Variants in LRRC40 observed in about 807,000 individuals in gnomAD.
LRRC40 encodes leucine rich repeat containing 40.
LRRC40 carries 76 observed loss-of-function variants against 72.8 expected under a neutral mutation model. The observed-to-expected ratio is 1.04, with a 90% CI of 0.87 to 1.26. The LOEUF (loss-of-function observed/expected upper bound fraction) is 1.26. Ranked by LOEUF, LRRC40 falls within the 50% of genes most tolerant of loss-of-function variation. The probability of loss-of-function intolerance (pLI) is 0.00; values close to 1 mark genes in which losing one functional copy is unlikely to be tolerated. For synonymous variants in LRRC40, 243 were observed against 254.2 expected (o/e 0.96, Z 0.42); for missense variants, 684 against 698.9 (o/e 0.98, Z 0.24).
chr1:70,165,928 A>C (rs561692380), intron 9 of LRRC40, among the ~76,000 whole-genome samples: 158 of 152,354 alleles, frequency 1.0e-3, no homozygotes, highest in African/African-American at 3.8e-3. Flanking sequence ...TCACAGAGAA[A>C]ATACTTATTA....
intron 6 of LRRC40, among the ~76,000 whole-genome samples, chr1:70,176,403 G>A (rs775531849): frequency 2.0e-5 from 3 of 151,676 alleles, no homozygotes; most frequent in South Asian, 2.1e-4. Context: ...GTGGTGGAGC[G>A]TGCCTGTAGT....
At chr1:70,149,966 G>A (rs539752297) in intron 13 of LRRC40, among the ~76,000 whole-genome samples, 2 of 152,076 alleles carry the variant, frequency 1.3e-5, no homozygotes, top group Admixed American at 6.5e-5. Flanking sequence ...TGTCGCCTAG[G>A]CTGGAGTGCA....
chr1:70,203,224 A>G (rs1371583057), intron 1 of LRRC40, among the ~76,000 whole-genome samples: 6 of 152,152 alleles, frequency 3.9e-5, no homozygotes, highest in Non-Finnish European at 1.5e-5. Flanking sequence ...GAGGCCTCAA[A>G]GTAAATAGTT....
At chr1:70,200,051 C>T (rs1028043773) in intron 1 of LRRC40, among the ~76,000 whole-genome samples, 2 of 152,072 alleles carry the variant, frequency 1.3e-5, no homozygotes, top group Non-Finnish European at 2.9e-5. Flanking sequence ...TGTACGGCTT[C>T]CACTAAGAAA....
At chr1:70,155,006 G>A (rs1244994468) in intron 11 of LRRC40, among the ~76,000 whole-genome samples, 1 of 152,064 alleles carries the variant, frequency 6.6e-6, no homozygotes, top group Non-Finnish European at 1.5e-5. Context: ...ACATTGGGTT[G>A]TTTTAATTGC....
At chr1:70,200,530 G>GA (rs1301416984) in intron 1 of LRRC40, among the ~76,000 whole-genome samples, 2 of 151,978 alleles carry the variant, frequency 1.3e-5, no homozygotes, top group African/African-American at 4.8e-5. Flanking sequence ...AAGAGAGAGA[G>GA]AAAGAATTAA....
In LRRC40 at chr1:70,190,677, T is replaced by TAAAAAAAAAAAAA. The variant is rs59341874; in HGVS notation, c.152-1417_152-1405dup. Among the ~76,000 whole-genome samples the TAAAAAAAAAAAAA allele has an allele frequency of 9.8e-4, 53 of 54,352 alleles. 1 individual carries two copies. Among genetic ancestry groups the TAAAAAAAAAAAAA allele is most frequent in the Non-Finnish European group, 1.3e-3 (44 of 33,326 alleles). 35.7% of individuals were successfully genotyped at this position (54,352 alleles called of 152,430 possible). ...GGGAAACAGAGTGAGACCCTGTCTC[T>TAAAAAAAAAAAAA]AAAAAAAAAAAAAAAAAAACTTAAA... On this transcript the variant is annotated intron_variant, in intron 1 of 14. Transcript: ENST00000370952.
intron 2 of LRRC40, among the ~76,000 whole-genome samples, chr1:70,188,298 A>G (rs557178300): frequency 6.6e-6 from 1 of 152,334 alleles, no homozygotes; most frequent in Non-Finnish European, 1.5e-5. Context: ...ACTTTACCAC[A>G]GGACATGGCA....
At chr1:70,195,632 A>G (rs914965767) in intron 1 of LRRC40, among the ~76,000 whole-genome samples, 1 of 152,112 alleles carries the variant, frequency 6.6e-6, no homozygotes, top group African/African-American at 2.4e-5. Flanking sequence ...ATGTTAAATA[A>G]ATACTTTTTG....
Position 70,155,795 on chromosome 1 carries a change from C to A in LRRC40, c.1222G>T (p.Asp408Tyr), listed in dbSNP as rs1332951926. Residue 408 changes from aspartate to tyrosine, a missense_variant and splice_region_variant, in exon 11 of 15, where the codon GAT becomes TAT. By Grantham distance (160) the Asp-to-Tyr change is radical. Coordinates refer to ENST00000370952, the MANE Select transcript of LRRC40 (RefSeq NM_017768.5). ...TCAGGAATCAAAGTTGCTTGTTTAT[C>A]ACTAAATGAAAAATGGTTTTAAAAA... ...IITLKILDYS[D>Y]KQATLIPDEV... 2 of 1,519,564 alleles carry A rather than the reference C, an allele frequency of 1.3e-6. No homozygotes were observed. Among genetic ancestry groups the A allele is most frequent in the African/African-American group, 1.4e-5 (1 of 72,852 alleles). The allele number at this position is 1,519,564 out of a possible 1,614,324, so 94.1% of individuals were successfully genotyped here. A position where few individuals can be genotyped will look rare whatever the true frequency, so the allele number is the denominator to read the frequency against.
chr1:70,190,274 G>C (rs1668464418), intron 1 of LRRC40, among the ~76,000 whole-genome samples: 1 of 152,146 alleles, frequency 6.6e-6, no homozygotes, highest in African/African-American at 2.4e-5. Context: ...AAAAGGTATA[G>C]TCAAAGTTTC....
At chr1:70,181,827 T>C (rs180939751) in intron 4 of LRRC40, among the ~76,000 whole-genome samples, 77 of 152,208 alleles carry the variant, frequency 5.1e-4, no homozygotes, top group African/African-American at 1.7e-3. Context: ...TTTCTTTAAA[T>C]GATTATGTTT....
chr1:70,198,505 G>A (rs1176155724), intron 1 of LRRC40, among the ~76,000 whole-genome samples: 3 of 152,078 alleles, frequency 2.0e-5, no homozygotes, highest in Non-Finnish European at 2.9e-5. Flanking sequence ...TATCTAGTCC[G>A]ACGAAAAAGA....
intron 7 of LRRC40, among the ~76,000 whole-genome samples, chr1:70,175,422 A>G (rs1553214322): frequency 6.6e-6 from 1 of 152,140 alleles, no homozygotes; most frequent in Admixed American, 6.5e-5. Context: ...TTTTTTCTTA[A>G]TGTTTCTCAA....
intron 11 of LRRC40, among the ~76,000 whole-genome samples, chr1:70,154,643 A>G (rs910521401): frequency 4.1e-4 from 63 of 152,318 alleles, no homozygotes; most frequent in Middle Eastern, 3.4e-3. Context: ...AAAGCAAATT[A>G]TATTTTGTCT....
At chr1:70,154,101 T>C (rs528696875) in intron 11 of LRRC40, among the ~76,000 whole-genome samples, 6 of 152,080 alleles carry the variant, frequency 3.9e-5, no homozygotes, top group African/African-American at 1.2e-4. Context: ...ACAACTGATA[T>C]ATTCCTTTAT....
At chr1:70,203,221 C>T (rs1319821043) in intron 1 of LRRC40, among the ~76,000 whole-genome samples, 1 of 152,044 alleles carries the variant, frequency 6.6e-6, no homozygotes, top group Non-Finnish European at 1.5e-5. Flanking sequence ...AAAGAGGCCT[C>T]AAAGTAAATA....
chr1:70,196,247 T>G (rs1487731779), intron 1 of LRRC40, among the ~76,000 whole-genome samples: 1 of 152,154 alleles, frequency 6.6e-6, no homozygotes, highest in Non-Finnish European at 1.5e-5. Context: ...GGACTATTAT[T>G]CAGCAATTTA....
intron 1 of LRRC40, among the ~76,000 whole-genome samples, chr1:70,193,019 T>C (rs1208148892): frequency 6.6e-6 from 1 of 152,086 alleles, no homozygotes; most frequent in African/African-American, 2.4e-5. Context: ...ATCCATTGTC[T>C]AGTTTTAATA....
Sources: gnomAD v4.1 joint callset for allele counts (sites outside exome capture counted in the v4.1 genomes callset) on GRCh38, gnomAD v4.1.1 for gene constraint, MANE v1.5 for transcripts, NCBI Gene and HGNC (gene_info 2026-07-23, HGNC 2026-07-21) for gene names.